PTPRM: variants seen among roughly 807,000 people sequenced by gnomAD.
PTPRM encodes protein tyrosine phosphatase receptor type M, also known as receptor-type tyrosine-protein phosphatase mu.
In PTPRM, 47 loss-of-function variants were observed where a neutral mutation model predicts 186.7. The ratio of observed to expected loss-of-function variants is 0.25; its 90% CI spans 0.20 to 0.32. The LOEUF (loss-of-function observed/expected upper bound fraction) is 0.32. PTPRM is among the 10% of genes least tolerant of loss of function. PTPRM has a pLI of 1.00. For missense variants in PTPRM, 1,494 were observed against 1,865.0 expected (o/e 0.80, Z 3.66); for synonymous variants, 668 against 674.9 (o/e 0.99, Z 0.16).
intron 2 of PTPRM, among the ~76,000 whole-genome samples, chr18:7,828,064 G>A (rs2045575480): frequency 6.6e-6 from 1 of 152,112 alleles, no homozygotes; most frequent in African/African-American, 2.4e-5. Context: ...AAAAAAAATT[G>A]TGCTTGTATA....
chr18:8,020,152 T>C (rs1340834132), intron 7 of PTPRM, among the ~76,000 whole-genome samples: 4 of 152,188 alleles, frequency 2.6e-5, no homozygotes, highest in East Asian at 1.9e-4. Context: ...TGACAAAAAG[T>C]ATCTGAAGTT....
At chr18:7,613,170 A>G (rs548805187) in intron 1 of PTPRM, among the ~76,000 whole-genome samples, 9 of 152,152 alleles carry the variant, frequency 5.9e-5, no homozygotes, top group Non-Finnish European at 1.2e-4. Context: ...TTGGGTACCT[A>G]TGGTAATTCA....
At position 8,332,975 on chromosome 18, in the gene PTPRM, C is replaced by T. The variant is rs1253327421; in HGVS notation, c.2957-10448C>T. ...GTAATTCTAGGCATAAAGAGTTTTTCGTGTGAGAGTTGTCCTTAGAAAATG... is the reference window on the plus strand; with the variant it reads ...GTAATTCTAGGCATAAAGAGTTTTTTGTGTGAGAGTTGTCCTTAGAAAATG... On this transcript the variant is annotated intron_variant, in intron 22 of 32. Transcript: ENST00000580170. Among the ~76,000 whole-genome samples, 8 of 152,152 alleles carry T rather than the reference C, an allele frequency of 5.3e-5. 1 individual carries two copies. Among genetic ancestry groups the T allele is most frequent in the South Asian group, 2.1e-4 (1 of 4,824 alleles).
At chr18:7,913,559 C>T (rs2050393991) in intron 4 of PTPRM, among the ~76,000 whole-genome samples, 1 of 152,012 alleles carries the variant, frequency 6.6e-6, no homozygotes, top group Admixed American at 6.6e-5. Context: ...TTAGCAAATC[C>T]TTTTTCTCTA....
intron 14 of PTPRM, among the ~76,000 whole-genome samples, chr18:8,229,264 A>G (rs933874462): frequency 2.6e-5 from 4 of 152,162 alleles, no homozygotes; most frequent in Non-Finnish European, 5.9e-5. Flanking sequence ...CCCAGCTGGC[A>G]CGTGATGTTT....
chr18:8,008,451 C>T (rs1336780887), intron 7 of PTPRM, among the ~76,000 whole-genome samples: 4 of 152,032 alleles, frequency 2.6e-5, no homozygotes, highest in Non-Finnish European at 4.4e-5. Context: ...AAGGTCTTTA[C>T]TTATTGTTTT....
rs549798026 is a variant in PTPRM at position 8,040,141 on chromosome 18, A to G, written c.1133-29545A>G. Among the ~76,000 whole-genome samples the G allele has an allele frequency of 3.3e-5, 5 of 152,190 alleles. 1 individual carries two copies. In the South Asian group the frequency reaches 1.0e-3, roughly 32 times the overall value. On this transcript the variant is annotated intron_variant, in intron 7 of 32. Transcript: ENST00000580170. Reference sequence around the variant, plus strand: ...ATGATTGGATGCATCCCATGTGAAGACTTCTGGGTGTGTTGTGTTTGAGCA... The same window carrying G: ...ATGATTGGATGCATCCCATGTGAAGGCTTCTGGGTGTGTTGTGTTTGAGCA...
intron 2 of PTPRM, among the ~76,000 whole-genome samples, chr18:7,825,549 G>A (rs1338903768): frequency 2.0e-5 from 3 of 152,062 alleles, no homozygotes; most frequent in African/African-American, 7.2e-5. Flanking sequence ...GGGAGGAGAA[G>A]ACACAGGTTT....
chr18:7,801,781 C>T (rs2043983822), intron 2 of PTPRM, among the ~76,000 whole-genome samples: 1 of 152,122 alleles, frequency 6.6e-6, no homozygotes, highest in African/African-American at 2.4e-5. Context: ...TTTTTCAGCT[C>T]CCTTAAAGTC....
chr18:7,881,091 G>A (rs991825686), intron 2 of PTPRM, among the ~76,000 whole-genome samples: 5 of 152,068 alleles, frequency 3.3e-5, no homozygotes, highest in Admixed American at 2.6e-4. Context: ...GTGTGTGTAG[G>A]TAAATGTATA....
intron 7 of PTPRM, among the ~76,000 whole-genome samples, chr18:7,974,840 GGATT>G (rs2054823875): frequency 6.6e-6 from 1 of 152,260 alleles, no homozygotes; most frequent in East Asian, 1.9e-4. Context: ...AGATTTTCAT[GGATT>G]GATTGCCTTA....
At chr18:8,180,148 G>T (rs540361325) in intron 14 of PTPRM, among the ~76,000 whole-genome samples, 3 of 152,332 alleles carry the variant, frequency 2.0e-5, no homozygotes, top group Admixed American at 2.0e-4. Flanking sequence ...AAAAAAACAT[G>T]TATGGAGGTT....
chr18:7,688,309 C>T (rs1160536355), intron 1 of PTPRM, among the ~76,000 whole-genome samples: 5 of 152,062 alleles, frequency 3.3e-5, no homozygotes, highest in Non-Finnish European at 7.4e-5. Context: ...CCTGATAGTG[C>T]CTGTGGCTTC....
intron 1 of PTPRM, among the ~76,000 whole-genome samples, chr18:7,734,063 C>G (rs138082034): frequency 5.9e-5 from 9 of 152,312 alleles, no homozygotes; most frequent in African/African-American, 2.2e-4. Flanking sequence ...GGTCAGAACT[C>G]TCAGTATATT....
chr18:8,343,540 C>T lies in PTPRM; in HGVS notation c.3054+20C>T, dbSNP rs2095486833. Reference sequence around the variant, plus strand: ...GGAAGGGTGAGTGGACCGTCTGCTGCAAATGGCCATTTTGTTCCTTGCTTA... The same window carrying T: ...GGAAGGGTGAGTGGACCGTCTGCTGTAAATGGCCATTTTGTTCCTTGCTTA... On this transcript the variant is annotated intron_variant, in intron 23 of 32. Transcript: ENST00000580170. 6.2e-7 allele frequency: 1 copy of T among 1,606,774 alleles called. No homozygotes were observed. Among genetic ancestry groups the T allele is most frequent in the Admixed American group, 1.7e-5 (1 of 59,708 alleles).
At chr18:7,984,940 T>TATATATACATATATAAATATATAC (rs2082802832) in intron 7 of PTPRM, among the ~76,000 whole-genome samples, 3 of 46,158 alleles carry the variant, frequency 6.5e-5, no homozygotes, top group Admixed American at 4.8e-4. Flanking sequence ...AATATATACA[T>TATATATACATATATAAATATATAC]ATATATACAT....
chr18:8,383,070 C>T (rs139604746), intron 29 of PTPRM, among the ~76,000 whole-genome samples: 2,417 of 151,922 alleles, frequency 0.016, 28 homozygotes, highest in Admixed American at 0.042. Flanking sequence ...GAGGCCGAGG[C>T]GGGTGGATCA....
intron 2 of PTPRM, among the ~76,000 whole-genome samples, chr18:7,841,921 G>T (rs991271594): frequency 7.2e-6 from 1 of 138,362 alleles, no homozygotes; most frequent in Non-Finnish European, 1.5e-5. Flanking sequence ...ATATAAATAT[G>T]ACAATTTATG....
rs909904524 is a variant in PTPRM, at chr18:8,373,761, G to A, written c.3172-2285G>A. ...TAACTGGGTGTGGTGGCTCATGCCT[G>A]TTAATCTCAGCACTTTGGGAGACTG... On this transcript the variant is annotated intron_variant, in intron 24 of 32. Transcript: ENST00000580170. Among the ~76,000 whole-genome samples the A allele has an allele frequency of 1.2e-4, 19 of 152,132 alleles. 1 individual carries two copies. The South Asian group carries it at 3.7e-3, about 30-fold the overall frequency.
Sources: gnomAD v4.1 joint callset for allele counts (sites outside exome capture counted in the v4.1 genomes callset) on GRCh38, gnomAD v4.1.1 for gene constraint, MANE v1.5 for transcripts, NCBI Gene and HGNC (gene_info 2026-07-23, HGNC 2026-07-21) for gene names.